Variants in ORAI2 observed in about 807,000 individuals in gnomAD.
ORAI2 encodes ORAI calcium release-activated calcium modulator 2.
A neutral mutation model predicts 16.2 loss-of-function variants in ORAI2; 10 were observed. The observed-to-expected ratio is 0.62, with a 90% CI of 0.38 to 1.04. The LOEUF is 1.04. ORAI2 is among the 50% of genes least tolerant of loss of function. The probability of loss-of-function intolerance (pLI) is 0.01; values close to 1 mark genes in which losing one functional copy is unlikely to be tolerated. For missense variants in ORAI2, 238 were observed against 355.5 expected (o/e 0.67, Z 2.66); for synonymous variants, 150 against 157.5 (o/e 0.95, Z 0.35).
chr7:102,444,665 C>CTTTTT (rs35635937), intron 3 of ORAI2, among the ~76,000 whole-genome samples: 30 of 117,974 alleles, frequency 2.5e-4, no homozygotes, highest in Non-Finnish European at 3.5e-4. Context: ...CAGGCTTCTT[C>CTTTTT]TTTTTTTTTT....
At chr7:102,445,899 T>C (rs12540136) in intron 3 of ORAI2, among the ~76,000 whole-genome samples, 55,565 of 126,980 alleles carry the variant, frequency 0.44, 10,431 homozygotes, top group Middle Eastern at 0.53. Flanking sequence ...CTTTCTCTCT[T>C]TCTCTTTCTC....
chr7:102,442,560 G>A (rs144702961), intron 3 of ORAI2, among the ~76,000 whole-genome samples: 3 of 152,198 alleles, frequency 2.0e-5, no homozygotes, highest in East Asian at 1.9e-4. Context: ...GGTGGCACAC[G>A]CCTGTAGTCC....
At position 102,446,569 on chromosome 7, in the gene ORAI2, G is replaced by A; in HGVS notation, c.282G>A (p.Leu94=). ...ETQYQYPRPL[L]IAFSACTTVL... ...AGTACCAGTACCCGCGGCCGCTGCTGATTGCCTTCAGCGCCTGCACCACGG... is the reference window on the plus strand; with the variant it reads ...AGTACCAGTACCCGCGGCCGCTGCTAATTGCCTTCAGCGCCTGCACCACGG... The change falls in exon 4 of 4, where the codon CTG becomes CTA. Residue 94 remains leucine, a synonymous_variant. Coordinates refer to ENST00000495936, the MANE Select transcript of ORAI2 (RefSeq NM_001126340.3). 1 of 1,613,392 alleles carries A rather than the reference G, an allele frequency of 6.2e-7. No individual in the cohort carries two copies. Among genetic ancestry groups the A allele is most frequent in the East Asian group, 2.2e-5 (1 of 44,884 alleles).
intron 3 of ORAI2, among the ~76,000 whole-genome samples, chr7:102,445,829 C>T (rs192041602): frequency 7.9e-4 from 120 of 152,126 alleles, no homozygotes; most frequent in Middle Eastern, 3.4e-3. Context: ...CTCCCTCCCT[C>T]CCTTTTCTCT....
intron 3 of ORAI2, among the ~76,000 whole-genome samples, chr7:102,443,096 TTCTTCTTCTTC>T (rs1797251263): frequency 5.7e-5 from 1 of 17,414 alleles, no homozygotes; most frequent in Non-Finnish European, 2.0e-4. Context: ...TCTTTTCTTC[TTCTTCTTCTTC>T]TTCTTCTTCT....
At position 102,448,527 on chromosome 7, in the gene ORAI2, G is replaced by T. The variant is rs1797435549; in HGVS notation, c.*1475G>T. The T allele has an allele frequency of 6.6e-6, 1 of 152,172 alleles. No homozygotes were observed. The allele number at this position is 152,172 out of a possible 1,614,324, so 9.4% of individuals were successfully genotyped here. A position where few individuals can be genotyped will look rare whatever the true frequency, so the allele number is the denominator to read the frequency against. On this transcript the variant is annotated 3_prime_UTR_variant, in exon 4 of 4. Transcript: ENST00000495936. ...GTTCGAGACCAGCCTGGCCAACATG[G>T]TGAAACCCTGTCTCTACTAAAAAAA...
At chr7:102,435,532 C>T (rs1047763117) in intron 1 of ORAI2, among the ~76,000 whole-genome samples, 6 of 123,832 alleles carry the variant, frequency 4.8e-5, no homozygotes, top group Non-Finnish European at 8.2e-5. Flanking sequence ...GATTGCCCCC[C>T]CCTCTTTTTT....
At chr7:102,444,596 C>G (rs997988000) in intron 3 of ORAI2, among the ~76,000 whole-genome samples, 2 of 138,454 alleles carry the variant, frequency 1.4e-5, no homozygotes, top group Non-Finnish European at 3.1e-5. Context: ...TTTCTTTAAA[C>G]AGGGATGGCT....
chr7:102,434,032 C>A (rs1796993790), intron 1 of ORAI2, among the ~76,000 whole-genome samples: 1 of 149,600 alleles, frequency 6.7e-6, no homozygotes, highest in African/African-American at 2.5e-5. Context: ...GGAAATGTGT[C>A]CAGTAGGCCA....
Position 102,441,135 on chromosome 7 carries a change from C to T in ORAI2, c.225+1954C>T, listed in dbSNP as rs555818492. Among the ~76,000 whole-genome samples, 16 of 149,122 alleles carry T rather than the reference C, an allele frequency of 1.1e-4. No individual in the cohort carries two copies. The South Asian group carries it at 1.5e-3, about 14-fold the overall frequency. ...CTCGAACTCCTGACCTCAGGTGATCCGCCACCCTCGGCCTCCCAAAGTGCT... is the reference window on the plus strand; with the variant it reads ...CTCGAACTCCTGACCTCAGGTGATCTGCCACCCTCGGCCTCCCAAAGTGCT... On this transcript the variant is annotated intron_variant, in intron 3 of 3. Coordinates refer to ENST00000495936, the MANE Select transcript of ORAI2 (RefSeq NM_001126340.3).
intron 3 of ORAI2, among the ~76,000 whole-genome samples, chr7:102,446,092 G>A (rs1797354386): frequency 6.6e-6 from 1 of 152,048 alleles, no homozygotes; most frequent in African/African-American, 2.4e-5. Context: ...GGGATTACAG[G>A]TGCCTGCCAC....
rs1264779468 is a variant in ORAI2 at position 102,453,134 on chromosome 7, T to G, written c.*6082T>G. The G allele has an allele frequency of 1.3e-5, 2 of 152,020 alleles. No individual in the cohort carries two copies. Among genetic ancestry groups the G allele is most frequent in the African/African-American group, 4.8e-5 (2 of 41,392 alleles). The allele number at this position is 152,020 out of a possible 1,614,324, so 9.4% of individuals were successfully genotyped here. A position where few individuals can be genotyped will look rare whatever the true frequency, so the allele number is the denominator to read the frequency against. ...GATTACAGGCATGCGCCACCACACC[T>G]GGCTTATTTTTGTATTTTTAGTAGA... On this transcript the variant is annotated 3_prime_UTR_variant, in exon 4 of 4. Transcript: ENST00000495936.
intron 3 of ORAI2, 42 bp downstream of exon 3, chr7:102,439,223 GC>G (rs1340417903): frequency 4.5e-6 from 7 of 1,557,816 alleles, no homozygotes; most frequent in Non-Finnish European, 6.2e-6. Context: ...GGTCAGATGG[GC>G]TTTGCTAACT....
In ORAI2 at chr7:102,451,938, C is replaced by T. The variant is rs1797530622; in HGVS notation, c.*4886C>T. 1 of 152,274 alleles carries T rather than the reference C, an allele frequency of 6.6e-6. No individual in the cohort carries two copies. Among genetic ancestry groups the T allele is most frequent in the South Asian group, 2.1e-4 (1 of 4,832 alleles). 9.4% of individuals were successfully genotyped at this position (152,274 alleles called of 1,614,324 possible). ...TTTCCAGAAACAAAAGAAGGGGCAG[C>T]CCCAGAGGGTGGCTGAGCGACAACA... On this transcript the variant is annotated 3_prime_UTR_variant, in exon 4 of 4. Transcript: ENST00000495936.
At chr7:102,436,601 G>A (rs1040571662) in intron 2 of ORAI2, among the ~76,000 whole-genome samples, 1 of 152,246 alleles carries the variant, frequency 6.6e-6, no homozygotes, top group Non-Finnish European at 1.5e-5. Flanking sequence ...CCCCAGCCAC[G>A]CTCCCTGGGA....
In ORAI2 at chr7:102,433,938, C is replaced by T. The variant is rs1020643846; in HGVS notation, c.-123+277C>T. Among the ~76,000 whole-genome samples, 1 of 151,918 alleles carries T rather than the reference C, an allele frequency of 6.6e-6. No individual in the cohort carries two copies. Among genetic ancestry groups the T allele is most frequent in the African/African-American group, 2.4e-5 (1 of 41,390 alleles). ...GCCTAGCGCCCCTGGGAGGCCCCCT[C>T]CCAGTGCGCCTGCTGGAGAGAGACA... On this transcript the variant is annotated intron_variant, in intron 1 of 3. Transcript: ENST00000495936. The surrounding 1 kb of genome is among the most constrained non-coding windows in gnomAD (Gnocchi z 4.6).
rs1797577298 is a variant in ORAI2, at chr7:102,453,489, T to TCA, written c.*6437_*6438insCA. On this transcript the variant is annotated 3_prime_UTR_variant, in exon 4 of 4. Transcript: ENST00000495936. ...GTGCCAAGCAACTGGCACCACTCCA[T>TCA]GGAAAGCGTCTAGGGCAGTGCCTTG... 1 of 152,222 alleles carries TCA rather than the reference T, an allele frequency of 6.6e-6. No individual in the cohort carries two copies. The highest frequency in any genetic ancestry group is 2.4e-5 in the African/African-American group (1 of 41,450). 9.4% of individuals were successfully genotyped at this position (152,222 alleles called of 1,614,324 possible).
rs112045195 is a variant in ORAI2, at chr7:102,445,297, G to GT, written c.226-1204dup. 5.7e-3 allele frequency among the ~76,000 whole-genome samples: 770 copies of GT among 134,306 alleles called. 5 individuals are homozygous for GT. The highest frequency in any genetic ancestry group is 0.014 in the African/African-American group (448 of 31,542). The allele number at this position is 134,306 out of a possible 152,430, so 88.1% of individuals were successfully genotyped here. A position where few individuals can be genotyped will look rare whatever the true frequency, so the allele number is the denominator to read the frequency against. ...TTTAAAAGGTCAGTTTCCGTTTTTTGTTTTTTTTTTTTGTCAAGATGGGCT... is the reference window on the plus strand; with the variant it reads ...TTTAAAAGGTCAGTTTCCGTTTTTTGTTTTTTTTTTTTTGTCAAGATGGGCT... On this transcript the variant is annotated intron_variant, in intron 3 of 3. Transcript: ENST00000495936.
chr7:102,445,877 TTC>T (rs780935749), intron 3 of ORAI2, among the ~76,000 whole-genome samples: 1 of 148,936 alleles, frequency 6.7e-6, no homozygotes, highest in East Asian at 2.1e-4. Flanking sequence ...TTTCTTTTCT[TTC>T]TCTCTCTTTC....
Sources: allele counts gnomAD v4.1 joint callset (sites outside exome capture counted in the v4.1 genomes callset), GRCh38; gene constraint gnomAD v4.1.1; non-coding constraint Gnocchi (gnomAD v3.1); transcripts MANE v1.5; gene names NCBI Gene and HGNC (gene_info 2026-07-23, HGNC 2026-07-21).